CSMD1: variants seen among roughly 807,000 people sequenced by gnomAD.
The protein encoded by CSMD1 is CUB and sushi domain-containing protein 1.
A neutral mutation model predicts 417.5 loss-of-function variants in CSMD1; 213 were observed. The observed-to-expected ratio is 0.51, with a 90% CI of 0.46 to 0.57. CSMD1 has a LOEUF of 0.57. Ranked by LOEUF, CSMD1 falls within the 20% of genes least tolerant of loss-of-function variation. The pLI, the probability that CSMD1 is intolerant of heterozygous loss-of-function variation, is 0.00. For missense variants in CSMD1, 6,923 were observed against 4,529.7 expected, an observed-to-expected ratio of 1.53 and a Z score of -15.17; for synonymous variants, 2,862 against 1,736.8, an observed-to-expected ratio of 1.65 and a Z score of -16.11.
chr8:3,796,066 CT>C (rs1341191984), intron 5 of CSMD1, among the ~76,000 whole-genome samples: 4 of 45,488 alleles, frequency 8.8e-5, no homozygotes, highest in East Asian at 9.7e-4. Context: ...AGATATATAT[CT>C]ATCATAGATA....
At chr8:3,142,064 T>A (rs891475884) in intron 41 of CSMD1, among the ~76,000 whole-genome samples, 1 of 152,170 alleles carries the variant, frequency 6.6e-6, no homozygotes, top group Non-Finnish European at 1.5e-5. Context: ...TCCAAAGTGC[T>A]GGGATTACAG....
At chr8:4,496,933 G>C (rs1360706659) in intron 2 of CSMD1, among the ~76,000 whole-genome samples, 1 of 152,188 alleles carries the variant, frequency 6.6e-6, no homozygotes, top group Non-Finnish European at 1.5e-5. Context: ...CGCAGGCACA[G>C]AGGCTGGAGG....
chr8:4,650,759 T>G (rs988428220), intron 1 of CSMD1, among the ~76,000 whole-genome samples: 1 of 152,234 alleles, frequency 6.6e-6, no homozygotes, highest in Non-Finnish European at 1.5e-5. Flanking sequence ...TTTGCCTATT[T>G]AAGCATGGTT....
chr8:3,626,930 T>C (rs1283699648), intron 7 of CSMD1, among the ~76,000 whole-genome samples: 4 of 151,118 alleles, frequency 2.6e-5, no homozygotes, highest in Non-Finnish European at 5.9e-5. Flanking sequence ...AATATTAGTA[T>C]ATTATACAGT....
intron 1 of CSMD1, among the ~76,000 whole-genome samples, chr8:4,676,472 C>T (rs1805688845): frequency 6.6e-6 from 1 of 152,124 alleles, no homozygotes; most frequent in Non-Finnish European, 1.5e-5. Flanking sequence ...TTCAACTCTC[C>T]TTCAACTTAT....
intron 1 of CSMD1, among the ~76,000 whole-genome samples, chr8:4,890,392 G>T (rs1804032796): frequency 6.6e-6 from 1 of 152,094 alleles, no homozygotes; most frequent in Non-Finnish European, 1.5e-5. Flanking sequence ...ACAGCCATGG[G>T]CATCCTGGGC....
intron 3 of CSMD1, among the ~76,000 whole-genome samples, chr8:4,319,297 A>G (rs1799123350): frequency 2.0e-5 from 3 of 152,096 alleles, no homozygotes; most frequent in Admixed American, 2.0e-4. Flanking sequence ...TTGCTTTTAA[A>G]CAGTTTCTTC....
chr8:4,103,122 C>G (rs17068999), intron 3 of CSMD1, among the ~76,000 whole-genome samples: 23 of 152,112 alleles, frequency 1.5e-4, no homozygotes, highest in Admixed American at 3.9e-4. Context: ...TCTCTGAACA[C>G]GAGTTAACAG....
rs542042321 is a variant in CSMD1, at chr8:4,139,275, A to G, written c.416-107176T>C. Among the ~76,000 whole-genome samples, 9 of 152,330 alleles carry G rather than the reference A, an allele frequency of 5.9e-5. No homozygotes were observed. The South Asian group carries it at 1.9e-3, about 32-fold the overall frequency. On this transcript the variant is annotated intron_variant, in intron 3 of 69. Transcript: ENST00000635120. ...ATTATGCATCAGTGTAAAGTGTTGC[A>G]TAATTGGCACCCTGTGTCTTACAGC...
intron 3 of CSMD1, among the ~76,000 whole-genome samples, chr8:4,221,993 G>C (rs920968277): frequency 6.6e-6 from 1 of 151,662 alleles, no homozygotes; most frequent in Non-Finnish European, 1.5e-5. Context: ...CCACCCAACG[G>C]TCTGTCCCTA....
chr8:3,829,630 A>G (rs1232659780), intron 5 of CSMD1, among the ~76,000 whole-genome samples: 3 of 152,210 alleles, frequency 2.0e-5, no homozygotes, highest in Non-Finnish European at 4.4e-5. Context: ...AAAGATGTAG[A>G]ATGAATTAAG....
intron 10 of CSMD1, among the ~76,000 whole-genome samples, chr8:3,499,529 T>C (rs1416383340): frequency 6.6e-6 from 1 of 152,060 alleles, no homozygotes; most frequent in East Asian, 1.9e-4. Context: ...CTGGCAGCAG[T>C]ACCCAAAAGG....
intron 3 of CSMD1, among the ~76,000 whole-genome samples, chr8:4,160,874 A>G (rs1217154442): frequency 6.6e-6 from 1 of 152,250 alleles, no homozygotes; most frequent in Non-Finnish European, 1.5e-5. Context: ...GAAATTCTAA[A>G]AAGGACATAC....
chr8:4,685,299 C>T (rs1382691737), intron 1 of CSMD1, among the ~76,000 whole-genome samples: 3 of 152,116 alleles, frequency 2.0e-5, no homozygotes, highest in African/African-American at 4.8e-5. Flanking sequence ...CATGGCCAGG[C>T]GTGTTGGCTC....
At chr8:3,420,393 G>A (rs1457654280) in intron 12 of CSMD1, among the ~76,000 whole-genome samples, 1 of 151,268 alleles carries the variant, frequency 6.6e-6, no homozygotes, top group Admixed American at 6.6e-5. Context: ...GTGGATCTGG[G>A]TGGTTCCTGG....
intron 5 of CSMD1, among the ~76,000 whole-genome samples, chr8:3,756,795 G>C (rs987310989): frequency 6.8e-6 from 1 of 146,230 alleles, no homozygotes. Context: ...AAAACCAGGT[G>C]GAATTTTTTT....
At chr8:3,229,698 T>C (rs929199167) in intron 27 of CSMD1, among the ~76,000 whole-genome samples, 1 of 152,182 alleles carries the variant, frequency 6.6e-6, no homozygotes, top group South Asian at 2.1e-4. Context: ...TGTTTCTATA[T>C]TAAAAATCAG....
At chr8:3,392,255 T>A (rs1811395148) in intron 17 of CSMD1, among the ~76,000 whole-genome samples, 1 of 151,556 alleles carries the variant, frequency 6.6e-6, no homozygotes, top group African/African-American at 2.4e-5. Context: ...TAAAGTATAA[T>A]AAAAAAATAA....
At chr8:4,111,299 G>T (rs1212820661) in intron 3 of CSMD1, among the ~76,000 whole-genome samples, 3 of 152,156 alleles carry the variant, frequency 2.0e-5, no homozygotes, top group African/African-American at 7.2e-5. Flanking sequence ...ATGAGCAGAA[G>T]AATCTGATGG....
Sources: gnomAD v4.1 joint callset for allele counts (sites outside exome capture counted in the v4.1 genomes callset) on GRCh38, gnomAD v4.1.1 for gene constraint, MANE v1.5 for transcripts, NCBI Gene and HGNC (gene_info 2026-07-23, HGNC 2026-07-21) for gene names.